Variants in AUTS2 observed in about 807,000 individuals in gnomAD.
AUTS2 encodes the protein autism susceptibility gene 2 protein.
A neutral mutation model predicts 112.4 loss-of-function variants in AUTS2; 17 were observed. The ratio of observed to expected loss-of-function variants is 0.15; its 90% CI spans 0.10 to 0.23. The LOEUF (loss-of-function observed/expected upper bound fraction) is 0.23. AUTS2 is among the 10% of genes least tolerant of loss of function. The pLI is 1.00. For missense variants in AUTS2, 1,510 were observed against 1,701.6 expected (o/e 0.89, Z 1.98); for synonymous variants, 751 against 702.7 (o/e 1.07, Z -1.09).
chr7:70,557,972 G>A (rs1317610999), intron 5 of AUTS2, among the ~76,000 whole-genome samples: 4 of 152,194 alleles, frequency 2.6e-5, no homozygotes, highest in Non-Finnish European at 5.9e-5. Flanking sequence ...CCATGAAACT[G>A]TACCCAGCTG....
chr7:70,770,077 G>C (rs938228518), intron 10 of AUTS2, among the ~76,000 whole-genome samples: 3 of 152,184 alleles, frequency 2.0e-5, no homozygotes, highest in African/African-American at 4.8e-5. Context: ...TACTGTGGGA[G>C]AGTTATTTCA....
At chr7:70,103,982 C>T (rs1402209578) in intron 2 of AUTS2, among the ~76,000 whole-genome samples, 1 of 151,258 alleles carries the variant, frequency 6.6e-6, no homozygotes, top group Non-Finnish European at 1.5e-5. Flanking sequence ...ATTATTATCA[C>T]AAAAATGAAA....
chr7:70,751,732 GTT>G (rs1307467858), intron 6 of AUTS2, among the ~76,000 whole-genome samples: 1 of 152,050 alleles, frequency 6.6e-6, no homozygotes, highest in South Asian at 2.1e-4. Context: ...GCATACACTA[GTT>G]TTTTGTGACA....
At chr7:70,587,944 C>T (rs1450947944) in intron 5 of AUTS2, among the ~76,000 whole-genome samples, 1 of 152,196 alleles carries the variant, frequency 6.6e-6, no homozygotes, top group Admixed American at 6.5e-5. Context: ...GTACTCCCCT[C>T]CACACCCTCA....
intron 2 of AUTS2, among the ~76,000 whole-genome samples, chr7:70,059,810 G>A (rs191246309): frequency 1.4e-3 from 214 of 152,268 alleles, no homozygotes; most frequent in African/African-American, 5.0e-3. Flanking sequence ...GCAGATTTTT[G>A]AGGTAGGAAG....
chr7:70,768,101 T>C, intron 10 of AUTS2, 33 bp downstream of exon 10: 3 of 1,576,536 alleles, frequency 1.9e-6, no homozygotes, highest in Non-Finnish European at 2.6e-6. Flanking sequence ...ACATTGAATG[T>C]AACTGCTTTG....
intron 5 of AUTS2, among the ~76,000 whole-genome samples, chr7:70,539,072 T>C (rs1800438892): frequency 6.6e-6 from 1 of 152,126 alleles, no homozygotes; most frequent in African/African-American, 2.4e-5. Flanking sequence ...AGTGAGACAG[T>C]CACCTGGGAT....
chr7:70,478,686 C>T (rs1426834491), intron 5 of AUTS2, among the ~76,000 whole-genome samples: 1 of 152,008 alleles, frequency 6.6e-6, no homozygotes, highest in East Asian at 1.9e-4. Flanking sequence ...TCACACCACC[C>T]TCCAGCATAG....
At chr7:70,319,414 G>C (rs1257187365) in intron 4 of AUTS2, among the ~76,000 whole-genome samples, 1 of 152,202 alleles carries the variant, frequency 6.6e-6, no homozygotes, top group Non-Finnish European at 1.5e-5. Flanking sequence ...CATAGCACCT[G>C]ACCCTCCTTC....
At chr7:70,363,110 T>G (rs1792351005) in intron 4 of AUTS2, among the ~76,000 whole-genome samples, 1 of 152,220 alleles carries the variant, frequency 6.6e-6, no homozygotes, top group Non-Finnish European at 1.5e-5. Context: ...TTCCTCCTGA[T>G]ATTTGTAAGT....
chr7:69,644,794 GTGTAGTATATA>G (rs1794950603), intron 1 of AUTS2, among the ~76,000 whole-genome samples: 1 of 152,176 alleles, frequency 6.6e-6, no homozygotes, highest in Non-Finnish European at 1.5e-5. Context: ...GCCAGCAATG[GTGTAGTATATA>G]TGTAGTATAT....
chr7:69,945,392 A>G (rs776452938), intron 2 of AUTS2, among the ~76,000 whole-genome samples: 1 of 152,188 alleles, frequency 6.6e-6, no homozygotes, highest in Non-Finnish European at 1.5e-5. Flanking sequence ...TTCACTTAGC[A>G]TAATGTTTTC....
chr7:69,686,316 A>G (rs1385711534), intron 1 of AUTS2, among the ~76,000 whole-genome samples: 1 of 152,290 alleles, frequency 6.6e-6, no homozygotes, highest in South Asian at 2.1e-4. Flanking sequence ...CTACTGTAGG[A>G]TTTTGGAGGG....
chr7:69,981,600 A>T (rs1798297118), intron 2 of AUTS2, among the ~76,000 whole-genome samples: 1 of 152,180 alleles, frequency 6.6e-6, no homozygotes, highest in Non-Finnish European at 1.5e-5. Context: ...AGATGAGTTC[A>T]TTATGGGCTT....
intron 4 of AUTS2, among the ~76,000 whole-genome samples, chr7:70,415,665 C>T (rs1794958894): frequency 6.6e-6 from 1 of 152,152 alleles, no homozygotes; most frequent in African/African-American, 2.4e-5. Context: ...AAGATCACAG[C>T]AACCCCAACA....
intron 5 of AUTS2, among the ~76,000 whole-genome samples, chr7:70,515,681 C>G (rs1799385990): frequency 6.6e-6 from 1 of 152,050 alleles, no homozygotes; most frequent in Non-Finnish European, 1.5e-5. Flanking sequence ...CCTTGTTTGC[C>G]TCTCCCTGAC....
chr7:70,361,828 A>G (rs1401892951), intron 4 of AUTS2, among the ~76,000 whole-genome samples: 2 of 152,176 alleles, frequency 1.3e-5, no homozygotes, highest in South Asian at 2.1e-4. Context: ...TACTAAATAG[A>G]ATAAAACTTG....
intron 1 of AUTS2, among the ~76,000 whole-genome samples, chr7:69,621,680 A>G (rs1458853152): frequency 6.6e-6 from 1 of 152,220 alleles, no homozygotes; most frequent in Non-Finnish European, 1.5e-5. Flanking sequence ...GATGAACTAC[A>G]TTAAAATAAC....
chr7:69,719,435 G>A (rs542290462), intron 1 of AUTS2, among the ~76,000 whole-genome samples: 113 of 152,280 alleles, frequency 7.4e-4, no homozygotes, highest in African/African-American at 2.6e-3. Flanking sequence ...ATGCTGGGGG[G>A]AATTGTCATA....
Sources: allele counts gnomAD v4.1 joint callset (sites outside exome capture counted in the v4.1 genomes callset), GRCh38; gene constraint gnomAD v4.1.1; transcripts MANE v1.5; gene names NCBI Gene and HGNC (gene_info 2026-07-23, HGNC 2026-07-21).